The following FRMD4A variants were observed in gnomAD, a reference collection of about 807,000 sequenced individuals.
FRMD4A encodes the protein FERM domain-containing protein 4A.
Under a neutral mutation model 129.1 loss-of-function variants are expected in FRMD4A, and 29 were observed. The observed-to-expected ratio is 0.22, with a 90% CI of 0.17 to 0.31. FRMD4A has a LOEUF of 0.31. FRMD4A is among the 10% of genes least tolerant of loss of function. The probability of loss-of-function intolerance (pLI) is 1.00; values close to 1 mark genes in which losing one functional copy is unlikely to be tolerated. For missense variants in FRMD4A, 1,272 were observed against 1,375.8 expected (o/e 0.92, Z 1.19); for synonymous variants, 634 against 571.6 (o/e 1.11, Z -1.56).
chr10:14,303,029 T>C (rs751955725), intron 2 of FRMD4A, among the ~76,000 whole-genome samples: 3 of 152,158 alleles, frequency 2.0e-5, no homozygotes, highest in African/African-American at 7.2e-5. Context: ...CTTCAAACAA[T>C]GTCAATGCAA....
chr10:13,878,822 G>GGGAAGGAAGGAAGGAAGGAAGGAA lies in FRMD4A; in HGVS notation c.46-19934_46-19911dup, dbSNP rs71388126. On this transcript the variant is annotated intron_variant, in intron 2 of 24. Transcript: ENST00000357447. The stretch of plus-strand genomic sequence containing the variant: ...AAGGAGAGAAAGAGAGAGGGAGGGA[G>GGGAAGGAAGGAAGGAAGGAAGGAA]GGAAGGAAGGAAGGAAGGAAGGAAG... Among the ~76,000 whole-genome samples the GGGAAGGAAGGAAGGAAGGAAGGAA allele has an allele frequency of 7.9e-3, 1,118 of 140,822 alleles. 25 individuals are homozygous for GGGAAGGAAGGAAGGAAGGAAGGAA. The highest frequency in any genetic ancestry group is 0.027 in the African/African-American group (983 of 36,578). The allele number at this position is 140,822 out of a possible 152,430, so 92.4% of individuals were successfully genotyped here.
rs2092954635 is a variant in FRMD4A at position 13,789,808 on chromosome 10, G to A, written c.299+6688C>T. Among the ~76,000 whole-genome samples the A allele has an allele frequency of 7.5e-5, 8 of 106,066 alleles. No homozygotes were observed. The South Asian group carries it at 2.4e-3, about 32-fold the overall frequency. 69.6% of individuals were successfully genotyped at this position (106,066 alleles called of 152,430 possible). On this transcript the variant is annotated intron_variant, in intron 5 of 24. Transcript: ENST00000357447. ...GTGTGTGTGTGTGTGTGTGTGTTGT[G>A]TGGTGAGGGGAGTGGGAAGAGGTGA...
At chr10:13,885,568 TA>T (rs377553258) in intron 2 of FRMD4A, among the ~76,000 whole-genome samples, 2 of 152,310 alleles carry the variant, frequency 1.3e-5, no homozygotes, top group East Asian at 3.9e-4. Context: ...CTTTCATTCC[TA>T]AAGCACCATC....
chr10:13,664,469 C>G (rs914334731), intron 18 of FRMD4A, among the ~76,000 whole-genome samples: 1 of 152,074 alleles, frequency 6.6e-6, no homozygotes. Flanking sequence ...TTCCAAATTT[C>G]CTAGAGCAAA....
intron 8 of FRMD4A, among the ~76,000 whole-genome samples, chr10:13,758,941 C>T (rs949011360): frequency 3.9e-5 from 6 of 152,066 alleles, no homozygotes; most frequent in African/African-American, 7.2e-5. Flanking sequence ...TGGTCAATTT[C>T]GACGTGTTGG....
At chr10:14,068,590 G>C (rs1169746032) in intron 2 of FRMD4A, among the ~76,000 whole-genome samples, 1 of 152,048 alleles carries the variant, frequency 6.6e-6, no homozygotes, top group Non-Finnish European at 1.5e-5. Flanking sequence ...ATGGGGATTG[G>C]GAGGAAACTT....
chr10:13,833,881 G>A (rs1439135757), intron 3 of FRMD4A, among the ~76,000 whole-genome samples: 1 of 152,126 alleles, frequency 6.6e-6, no homozygotes, highest in Non-Finnish European at 1.5e-5. Context: ...CAGAGGCAGG[G>A]TCTGGGCGCT....
intron 2 of FRMD4A, among the ~76,000 whole-genome samples, chr10:14,009,473 G>C (rs1420347365): frequency 6.6e-6 from 1 of 152,194 alleles, no homozygotes; most frequent in African/African-American, 2.4e-5. Context: ...TTGAGACACT[G>C]TCTGCAGACC....
chr10:14,183,743 T>C (rs1841984664), intron 2 of FRMD4A, among the ~76,000 whole-genome samples: 1 of 152,218 alleles, frequency 6.6e-6, no homozygotes, highest in African/African-American at 2.4e-5. Flanking sequence ...AAAACTACTG[T>C]CTTTTAAAAA....
chr10:13,653,855 G>T (rs1297034279), intron 23 of FRMD4A: 2 of 158,158 alleles, frequency 1.3e-5, no homozygotes, highest in African/African-American at 4.8e-5. Flanking sequence ...GCTATCAAAG[G>T]GAGCTGCCTT....
At chr10:13,997,162 G>T (rs1197142194) in intron 2 of FRMD4A, among the ~76,000 whole-genome samples, 4 of 151,802 alleles carry the variant, frequency 2.6e-5, no homozygotes, top group African/African-American at 9.7e-5. Flanking sequence ...TTTTTGCATG[G>T]GTTGTGGAAG....
At chr10:13,998,806 T>C (rs2095631936) in intron 2 of FRMD4A, among the ~76,000 whole-genome samples, 1 of 152,218 alleles carries the variant, frequency 6.6e-6, no homozygotes. Flanking sequence ...ACTAAGATGA[T>C]TGTACTAGTA....
intron 2 of FRMD4A, among the ~76,000 whole-genome samples, chr10:13,991,293 C>A (rs990266632): frequency 2.0e-5 from 3 of 152,210 alleles, no homozygotes; most frequent in African/African-American, 7.2e-5. Context: ...ACCAGCAAAG[C>A]CTCTTTTCCA....
At chr10:13,857,209 A>T (rs563522787) in intron 3 of FRMD4A, among the ~76,000 whole-genome samples, 3 of 152,330 alleles carry the variant, frequency 2.0e-5, no homozygotes, top group East Asian at 3.9e-4. Flanking sequence ...TTTTTTTTTT[A>T]AATCCCTTAA....
At chr10:14,002,928 C>G (rs188591499) in intron 2 of FRMD4A, among the ~76,000 whole-genome samples, 7 of 152,080 alleles carry the variant, frequency 4.6e-5, no homozygotes, top group Non-Finnish European at 8.8e-5. Flanking sequence ...AACATGTCCA[C>G]GCATGGTTGG....
At chr10:13,797,396 G>C (rs1291871218) in intron 4 of FRMD4A, among the ~76,000 whole-genome samples, 1 of 152,182 alleles carries the variant, frequency 6.6e-6, no homozygotes, top group Non-Finnish European at 1.5e-5. Flanking sequence ...ACTTTGGAAG[G>C]CTGAGGCAAG....
At chr10:14,177,285 C>G (rs1172707112) in intron 2 of FRMD4A, among the ~76,000 whole-genome samples, 1 of 152,020 alleles carries the variant, frequency 6.6e-6, no homozygotes, top group Admixed American at 6.6e-5. Context: ...GCAATCTCTA[C>G]CTCCTGGATT....
chr10:13,827,168 C>T (rs1338197584), intron 3 of FRMD4A, among the ~76,000 whole-genome samples: 1 of 152,080 alleles, frequency 6.6e-6, no homozygotes, highest in Non-Finnish European at 1.5e-5. Context: ...AGGGAGATCT[C>T]GCGAGGTTAC....
chr10:14,053,613 G>A (rs1453414452), intron 2 of FRMD4A, among the ~76,000 whole-genome samples: 1 of 152,100 alleles, frequency 6.6e-6, no homozygotes, highest in East Asian at 1.9e-4. Context: ...GGAGAACGTG[G>A]TTTTAGTTAT....
Sources: gnomAD v4.1 joint callset for allele counts (sites outside exome capture counted in the v4.1 genomes callset) on GRCh38, gnomAD v4.1.1 for gene constraint, MANE v1.5 for transcripts, NCBI Gene and HGNC (gene_info 2026-07-23, HGNC 2026-07-21) for gene names.